LIPK: variants seen among roughly 807,000 people sequenced by gnomAD.
LIPK encodes lipase member K.
In LIPK, 32 loss-of-function variants were observed where a neutral mutation model predicts 48.6. The observed-to-expected ratio is 0.66, with a 90% confidence interval of 0.50 to 0.88. The LOEUF (loss-of-function observed/expected upper bound fraction) is 0.88. Ranked by LOEUF, LIPK falls within the 40% of genes least tolerant of loss-of-function variation. The probability of loss-of-function intolerance (pLI) is 0.00; values close to 1 mark genes in which losing one functional copy is unlikely to be tolerated. For synonymous variants in LIPK, 164 were observed against 157.4 expected, an observed-to-expected ratio of 1.04 and a Z score of -0.32; for missense variants, 507 against 478.5, an observed-to-expected ratio of 1.06 and a Z score of -0.56.
intron 1 of LIPK, among the ~76,000 whole-genome samples, chr10:88,722,484 T>C (rs1010107675): frequency 6.6e-6 from 1 of 152,206 alleles, no homozygotes. Flanking sequence ...CTTGTAATGA[T>C]GGTTTAAAAT....
chr10:88,751,130 C>T (rs1396608191), intron 9 of LIPK, among the ~76,000 whole-genome samples: 1 of 151,946 alleles, frequency 6.6e-6, no homozygotes, highest in Non-Finnish European at 1.5e-5. Flanking sequence ...GCATGTCATT[C>T]CCTAGCAAAT....
rs751980160 is a variant in LIPK at position 88,739,991 on chromosome 10, T to A, written c.817-5T>A. On this transcript the variant is annotated splice_region_variant and splice_polypyrimidine_tract_variant and intron_variant, in intron 7 of 9. Coordinates refer to ENST00000404190, the MANE Select transcript of LIPK (RefSeq NM_001080518.2). ...GCCTCTAGATGAGAAGTAATCTCTT[T>A]GCAGAGTCGCTTGGATGTTTATTTG... 5.0e-6 allele frequency: 8 copies of A among 1,608,072 alleles called. No homozygotes were observed. Among genetic ancestry groups the A allele is most frequent in the Non-Finnish European group, 6.8e-6 (8 of 1,175,212 alleles).
At chr10:88,737,834 G>A (rs1842605580) in intron 7 of LIPK, 53 bp downstream of exon 7, 1 of 1,584,506 alleles carries the variant, frequency 6.3e-7, no homozygotes. Flanking sequence ...GCACAGAAGT[G>A]ATGAAAGTTA....
chr10:88,728,433 T>G (rs770865058), intron 3 of LIPK: 26 of 192,914 alleles, frequency 1.3e-4, no homozygotes, highest in Non-Finnish European at 2.5e-4. Flanking sequence ...AACCGAAACA[T>G]CAGCCGGCTC....
At chr10:88,707,507 G>A (rs1413475956) in intron 1 of LIPK, among the ~76,000 whole-genome samples, 1 of 152,086 alleles carries the variant, frequency 6.6e-6, no homozygotes, top group Non-Finnish European at 1.5e-5. Context: ...TATTATCGAA[G>A]ACATGTGAAA....
At position 88,743,263 on chromosome 10, in the gene LIPK, G is replaced by C. The variant is rs2134778457; in HGVS notation, c.902G>C (p.Gly301Ala). Residue 301 changes from glycine to alanine, a missense_variant, in exon 9 of 10, where the codon GGT becomes GCT. Transcript: ENST00000404190. ...MLHWAQAVNS[G>A]QLQAFDWGNS... ...ATTTTATTTTAGGCTGTTAATTCTG[G>C]TCAGCTCCAAGCTTTTGATTGGGGA... 2 of 1,587,184 alleles carry C rather than the reference G, an allele frequency of 1.3e-6. No individual in the cohort carries two copies. Among genetic ancestry groups the C allele is most frequent in the East Asian group, 4.5e-5 (2 of 44,232 alleles).
At chr10:88,748,103 T>G (rs1323656041) in intron 9 of LIPK, among the ~76,000 whole-genome samples, 1 of 152,130 alleles carries the variant, frequency 6.6e-6, no homozygotes, top group Non-Finnish European at 1.5e-5. Flanking sequence ...AATGAGATAA[T>G]GTACTTTGCA....
In LIPK at chr10:88,730,967, T is replaced by A; in HGVS notation, c.224-16T>A. ...GAAAGTTCAAATATGAAATTCTTGT[T>A]GCCTGTGTTTTGCAGCTCCAAAGCC... On this transcript the variant is annotated splice_polypyrimidine_tract_variant and intron_variant, in intron 3 of 9. Transcript: ENST00000404190. 6.5e-7 allele frequency: 1 copy of A among 1,543,226 alleles called. No individual in the cohort carries two copies. The highest frequency in any genetic ancestry group is 8.7e-7 in the Non-Finnish European group (1 of 1,147,532).
chr10:88,748,629 A>C (rs923717848), intron 9 of LIPK, among the ~76,000 whole-genome samples: 2 of 145,544 alleles, frequency 1.4e-5, no homozygotes, highest in Non-Finnish European at 3.0e-5. Flanking sequence ...AAAAAAAAAA[A>C]AAAGAAAACA....
intron 3 of LIPK, chr10:88,727,711 G>T: frequency 5.1e-6 from 1 of 196,734 alleles, no homozygotes. Context: ...CTGGTGATAT[G>T]GGAGGCATCA....
At chr10:88,718,830 C>T (rs143924720) in intron 1 of LIPK, among the ~76,000 whole-genome samples, 5 of 152,144 alleles carry the variant, frequency 3.3e-5, no homozygotes, top group Admixed American at 2.6e-4. Context: ...AGGTAAAGTA[C>T]TCTATACAGT....
chr10:88,741,721 G>T (rs1394788352), intron 8 of LIPK, among the ~76,000 whole-genome samples: 10 of 152,140 alleles, frequency 6.6e-5, no homozygotes, highest in Non-Finnish European at 1.3e-4. Flanking sequence ...AAAGCTGTTT[G>T]TTGGGTATTA....
At chr10:88,712,696 G>T (rs1325498076) in intron 1 of LIPK, among the ~76,000 whole-genome samples, 1 of 152,058 alleles carries the variant, frequency 6.6e-6, no homozygotes, top group Non-Finnish European at 1.5e-5. Flanking sequence ...GGATTTATCT[G>T]AGCTGATGTA....
Position 88,724,596 on chromosome 10 carries a change from A to G in LIPK, c.53A>G (p.Tyr18Cys), listed in dbSNP as rs775834677. The change falls in exon 2 of 10, where the codon TAT becomes TGT. Residue 18 changes from tyrosine to cysteine, a missense_variant. Coordinates refer to ENST00000404190, the MANE Select transcript of LIPK (RefSeq NM_001080518.2). ...TGGATGCTTCTTCTTGGATCTATGTATGGTTATGACAAGAAAGGAAACAAT... is the reference window on the plus strand; with the variant it reads ...TGGATGCTTCTTCTTGGATCTATGTGTGGTTATGACAAGAAAGGAAACAAT... Reference protein sequence around the residue: ...ACWMLLLGSMYGYDKKGNNAN... With the variant: ...ACWMLLLGSMCGYDKKGNNAN... 1.9e-6 allele frequency: 3 copies of G among 1,608,990 alleles called. No homozygotes were observed. The highest frequency in any genetic ancestry group is 2.5e-6 in the Non-Finnish European group (3 of 1,178,410).
intron 9 of LIPK, among the ~76,000 whole-genome samples, chr10:88,748,891 C>T (rs991290582): frequency 1.3e-5 from 2 of 151,810 alleles, no homozygotes; most frequent in African/African-American, 2.4e-5. Flanking sequence ...ATCTAAAAAA[C>T]CCCATAGTCT....
At chr10:88,717,633 T>G (rs1485522586) in intron 1 of LIPK, among the ~76,000 whole-genome samples, 3 of 152,166 alleles carry the variant, frequency 2.0e-5, no homozygotes, top group Non-Finnish European at 4.4e-5. Context: ...AATAAACTTT[T>G]CCTCCTCAGC....
rs390152 is a variant in LIPK, at chr10:88,743,318, T to C, written c.957T>C (p.His319=). 355,772 of 1,580,800 alleles carry C rather than the reference T, an allele frequency of 0.23. 41,261 individuals are homozygous for C. Among genetic ancestry groups the C allele is most frequent in the East Asian group, 0.38 (16,761 of 44,060 alleles). Residue 319 remains histidine, a synonymous_variant, in exon 9 of 10, where the codon CAT becomes CAC. Coordinates refer to ENST00000404190, the MANE Select transcript of LIPK (RefSeq NM_001080518.2). Reference sequence around the variant, plus strand: ...CTGATCAGAACATGATGCACTTCCATCAGGTACAAAAATAATCCTCATAAT... The same window carrying C: ...CTGATCAGAACATGATGCACTTCCACCAGGTACAAAAATAATCCTCATAAT... ...GNSDQNMMHF[H]QLTPPLYNIT...
intron 9 of LIPK, among the ~76,000 whole-genome samples, chr10:88,746,486 C>A (rs953143208): frequency 6.6e-6 from 1 of 151,754 alleles, no homozygotes; most frequent in African/African-American, 2.4e-5. Flanking sequence ...CCATCAAAAC[C>A]ATGCAATTAG....
intron 1 of LIPK, among the ~76,000 whole-genome samples, chr10:88,722,673 C>T (rs1255353128): frequency 6.6e-6 from 1 of 151,994 alleles, no homozygotes; most frequent in African/African-American, 2.4e-5. Context: ...GCCAGAGGGC[C>T]CCTGTAAAAC....
Sources: gnomAD v4.1 joint callset for allele counts (sites outside exome capture counted in the v4.1 genomes callset) on GRCh38, gnomAD v4.1.1 for gene constraint, MANE v1.5 for transcripts, NCBI Gene and HGNC (gene_info 2026-07-23, HGNC 2026-07-21) for gene names.